The following GRIK2 variants were observed in gnomAD, a reference collection of about 807,000 sequenced individuals.
GRIK2 encodes the protein glutamate ionotropic receptor kainate type subunit 2.
Under a neutral mutation model 100.3 loss-of-function variants are expected in GRIK2, and 32 were observed. That is an observed-to-expected ratio of 0.32 (90% CI 0.24 to 0.43). GRIK2 has a LOEUF of 0.43. Among genes scored for constraint, GRIK2 ranks in the 20% least tolerant of loss-of-function variants. The pLI is 1.00. For missense variants in GRIK2, 843 were observed against 1,114.9 expected (o/e 0.76, Z 3.47); for synonymous variants, 417 against 389.4 (o/e 1.07, Z -0.83).
chr6:102,030,876 G>A (rs1769949058), intron 14 of GRIK2, among the ~76,000 whole-genome samples: 1 of 150,736 alleles, frequency 6.6e-6, no homozygotes, highest in South Asian at 2.1e-4. Context: ...CAGACTTAAT[G>A]TCTAACTTCA....
chr6:101,489,983 A>G (rs1773019368), intron 2 of GRIK2, among the ~76,000 whole-genome samples: 1 of 146,700 alleles, frequency 6.8e-6, no homozygotes, highest in Non-Finnish European at 1.5e-5. Flanking sequence ...TGCTAGTGAT[A>G]TTTTTAAATG....
At chr6:101,959,592 C>A (rs1792156310) in intron 14 of GRIK2, among the ~76,000 whole-genome samples, 1 of 151,964 alleles carries the variant, frequency 6.6e-6, no homozygotes, top group South Asian at 2.1e-4. Context: ...TAGTTCTTTT[C>A]TGATCTTTGT....
chr6:101,589,236 A>G (rs189659160), intron 2 of GRIK2, among the ~76,000 whole-genome samples: 4 of 152,260 alleles, frequency 2.6e-5, no homozygotes, highest in Admixed American at 2.6e-4. Flanking sequence ...GTTTTGAAGT[A>G]TGTATACATT....
intron 14 of GRIK2, among the ~76,000 whole-genome samples, chr6:101,982,376 T>G (rs1409667217): frequency 6.6e-6 from 1 of 151,900 alleles, no homozygotes; most frequent in Non-Finnish European, 1.5e-5. Flanking sequence ...CTCTGTGCTT[T>G]TTGTATATGC....
At chr6:101,570,587 C>T (rs193048302) in intron 2 of GRIK2, among the ~76,000 whole-genome samples, 40 of 152,194 alleles carry the variant, frequency 2.6e-4, no homozygotes, top group Non-Finnish European at 4.4e-4. Flanking sequence ...AATTAAATGG[C>T]AGTTCACCTA....
chr6:101,997,203 C>A (rs866165128), intron 14 of GRIK2, among the ~76,000 whole-genome samples: 14 of 151,960 alleles, frequency 9.2e-5, no homozygotes, highest in South Asian at 8.3e-4. Context: ...GGATTAATCT[C>A]ACTCCTAAGT....
chr6:101,407,809 A>G (rs1365121957), intron 2 of GRIK2, among the ~76,000 whole-genome samples: 4 of 152,310 alleles, frequency 2.6e-5, no homozygotes, highest in African/African-American at 9.6e-5. Flanking sequence ...AGATATGTAC[A>G]TATTAAAGTA....
intron 4 of GRIK2, among the ~76,000 whole-genome samples, chr6:101,630,615 A>AC (rs1257223399): frequency 6.6e-6 from 1 of 151,926 alleles, no homozygotes; most frequent in Admixed American, 6.6e-5. Flanking sequence ...TGGGTATTAG[A>AC]CCTTTGCTTG....
intron 5 of GRIK2, among the ~76,000 whole-genome samples, chr6:101,680,640 C>G (rs1218458465): frequency 6.6e-6 from 1 of 152,072 alleles, no homozygotes; most frequent in African/African-American, 2.4e-5. Context: ...ATCGTTATTT[C>G]TTTCAATTAC....
chr6:101,862,468 A>G (rs1292963577), intron 11 of GRIK2, among the ~76,000 whole-genome samples: 1 of 152,102 alleles, frequency 6.6e-6, no homozygotes, highest in Non-Finnish European at 1.5e-5. Flanking sequence ...TCTTTCTGTG[A>G]CTTAGACTAG....
chr6:101,573,006 C>T (rs1423206314), intron 2 of GRIK2, among the ~76,000 whole-genome samples: 2 of 151,530 alleles, frequency 1.3e-5, no homozygotes, highest in African/African-American at 2.4e-5. Context: ...GCCACCATTC[C>T]CGGCTTATTT....
chr6:101,954,624 C>T (rs12211291), intron 14 of GRIK2, among the ~76,000 whole-genome samples: 1 of 151,974 alleles, frequency 6.6e-6, no homozygotes, highest in Admixed American at 6.6e-5. Flanking sequence ...TCTGGATTTC[C>T]TATATACAAG....
At chr6:101,988,418 G>T (rs112789860) in intron 14 of GRIK2, among the ~76,000 whole-genome samples, 2,549 of 151,826 alleles carry the variant, frequency 0.017, 31 homozygotes, top group Middle Eastern at 0.037. Context: ...GCAGTCTGAG[G>T]TTATTTTTAG....
intron 7 of GRIK2, among the ~76,000 whole-genome samples, chr6:101,706,118 A>T (rs73510681): frequency 0.018 from 2,698 of 151,994 alleles, 59 homozygotes; most frequent in African/African-American, 0.053. Context: ...TTCAAAGATG[A>T]ACATCATGAG....
At chr6:101,523,296 G>A (rs1774975040) in intron 2 of GRIK2, among the ~76,000 whole-genome samples, 2 of 152,066 alleles carry the variant, frequency 1.3e-5, no homozygotes, top group East Asian at 1.9e-4. Context: ...TGGTAAAGAC[G>A]ATGCTAGGAA....
At chr6:101,551,053 T>G (rs958134239) in intron 2 of GRIK2, among the ~76,000 whole-genome samples, 1 of 152,204 alleles carries the variant, frequency 6.6e-6, no homozygotes, top group East Asian at 1.9e-4. Context: ...CTACAGTTTC[T>G]GCAAAGATTG....
intron 11 of GRIK2, among the ~76,000 whole-genome samples, chr6:101,886,108 T>C (rs758350915): frequency 1.4e-4 from 21 of 152,154 alleles, no homozygotes; most frequent in Admixed American, 3.9e-4. Flanking sequence ...CCACTGATCT[T>C]TTACTGTCTC....
chr6:101,813,828 T>C (rs1243294102), intron 9 of GRIK2, among the ~76,000 whole-genome samples: 1 of 151,904 alleles, frequency 6.6e-6, no homozygotes, highest in Non-Finnish European at 1.5e-5. Context: ...CTGGGCATGG[T>C]AGTGGGTGCC....
chr6:101,462,496 G>T (rs996301714), intron 2 of GRIK2, among the ~76,000 whole-genome samples: 52 of 149,588 alleles, frequency 3.5e-4, no homozygotes, highest in Non-Finnish European at 6.8e-4. Flanking sequence ...AGGAAGATTT[G>T]GGGGACACAA....
Sources: gnomAD v4.1 joint callset for allele counts (sites outside exome capture counted in the v4.1 genomes callset) on GRCh38, gnomAD v4.1.1 for gene constraint, MANE v1.5 for transcripts, NCBI Gene and HGNC (gene_info 2026-07-23, HGNC 2026-07-21) for gene names.